Variants in CEP85L observed in about 807,000 individuals in gnomAD.
CEP85L encodes the protein centrosomal protein of 85 kDa-like.
A neutral mutation model predicts 100.3 loss-of-function variants in CEP85L; 60 were observed. The observed-to-expected ratio is 0.60, with a 90% confidence interval of 0.49 to 0.74. The LOEUF is 0.74. CEP85L is among the 30% of genes least tolerant of loss of function. The pLI is 0.00. For missense variants in CEP85L, 973 were observed against 936.2 expected (o/e 1.04, Z -0.51); for synonymous variants, 319 against 322.7 (o/e 0.99, Z 0.12).
chr6:118,565,863 T>C lies in CEP85L; in HGVS notation c.686A>G (p.Lys229Arg). 6.2e-7 allele frequency: 1 copy of C among 1,614,112 alleles called. No individual in the cohort carries two copies. Residue 229 changes from lysine (K) to arginine (R), a missense_variant, in exon 3 of 13, where the codon AAG (lysine) becomes AGG (arginine). This residue lies in a region of CEP85L where 890 missense variants were observed against 844.5 expected (regional missense o/e 1.05). Transcript: ENST00000368491. Reference protein sequence around the residue: ...NKKRSSTLDCKYKFESCSKED... With the variant: ...NKKRSSTLDCRYKFESCSKED... ...CTTGCTACAGCTCTCAAATTTATAC[T>C]TGCAGTCCAGAGTTGATGACCGTTT...
rs775232643 is a variant in CEP85L at position 118,491,671 on chromosome 6, A to G, written c.1437+15T>C. 28 of 1,605,352 alleles carry G rather than the reference A, an allele frequency of 1.7e-5. No individual in the cohort carries two copies. Among genetic ancestry groups the G allele is most frequent in the East Asian group, 2.2e-5 (1 of 44,782 alleles). On this transcript the variant is annotated intron_variant, in intron 6 of 12. Coordinates refer to ENST00000368491, the MANE Select transcript of CEP85L (RefSeq NM_001042475.3). The stretch of plus-strand genomic sequence containing the variant: ...AATGTTGTTGACCTAATTCAACTTT[A>G]TTAGAAAAACCTACTTTTTCCTCTA...
rs925889124 is a variant in CEP85L, at chr6:118,632,968, T to G, written c.74-357A>C. On this transcript the variant is annotated intron_variant, in intron 1 of 12. Transcript: ENST00000368491. ...GGTGGCATCTGTGATTATACATACA[T>G]GCGTTAGCTGAAAATCAGGGCTCAG... 2.0e-5 allele frequency among the ~76,000 whole-genome samples: 3 copies of G among 152,156 alleles called. No individual in the cohort carries two copies. In the East Asian group the frequency reaches 5.8e-4, roughly 29 times the overall value.
chr6:118,697,452 A>G (rs532022613), intron 1 of CEP85L, among the ~76,000 whole-genome samples: 44 of 152,276 alleles, frequency 2.9e-4, no homozygotes, highest in Admixed American at 2.5e-3. Flanking sequence ...AGGACGATAT[A>G]CCACTCAAGC....
chr6:118,600,622 C>T (rs847670), intron 2 of CEP85L, among the ~76,000 whole-genome samples: 149,998 of 151,374 alleles, frequency 0.99, 74,335 homozygotes, highest in East Asian at 1. Flanking sequence ...ACACCCAGCC[C>T]TGGGGTTTTT....
At chr6:118,518,986 T>C (rs532913831) in intron 4 of CEP85L, among the ~76,000 whole-genome samples, 4 of 152,330 alleles carry the variant, frequency 2.6e-5, no homozygotes, top group African/African-American at 9.6e-5. Flanking sequence ...ATTTCATTAT[T>C]TACCCAGTAG....
intron 2 of CEP85L, among the ~76,000 whole-genome samples, chr6:118,605,111 C>T (rs1297997640): frequency 1.3e-5 from 2 of 152,080 alleles, no homozygotes; most frequent in African/African-American, 4.8e-5. Context: ...GGAGGAAAAG[C>T]GCCAGGAAAG....
intron 1 of CEP85L, among the ~76,000 whole-genome samples, chr6:118,702,619 C>A (rs1777451001): frequency 6.6e-6 from 1 of 152,194 alleles, no homozygotes; most frequent in Non-Finnish European, 1.5e-5. Flanking sequence ...TTTGATAAAA[C>A]CTACACTTTC....
chr6:118,465,585 TAGAG>T lies in CEP85L; in HGVS notation c.2255-21_2255-18del, dbSNP rs762087155. The T allele has an allele frequency of 3.7e-5, 59 of 1,599,614 alleles. No homozygotes were observed. Among genetic ancestry groups the T allele is most frequent in the African/African-American group, 1.5e-4 (11 of 74,374 alleles). On this transcript the variant is annotated intron_variant, in intron 12 of 12. Coordinates refer to ENST00000368491, the MANE Select transcript of CEP85L (RefSeq NM_001042475.3). ...AGTTCATTGCTGTGTAAATAAAACA[TAGAG>T]AGAATATCTCACATTTTTTTGAACA...
At chr6:118,605,785 G>A (rs1772157523) in intron 2 of CEP85L, among the ~76,000 whole-genome samples, 1 of 152,132 alleles carries the variant, frequency 6.6e-6, no homozygotes, top group African/African-American at 2.4e-5. Context: ...GGCCGAGGCG[G>A]GCAGATCACG....
intron 5 of CEP85L, among the ~76,000 whole-genome samples, chr6:118,506,709 T>G (rs1447339555): frequency 6.6e-6 from 1 of 152,204 alleles, no homozygotes; most frequent in Non-Finnish European, 1.5e-5. Flanking sequence ...GAAATGTGTT[T>G]TGTAGCAAGA....
intron 5 of CEP85L, among the ~76,000 whole-genome samples, chr6:118,505,956 G>A (rs564546923): frequency 6.6e-6 from 1 of 152,302 alleles, no homozygotes; most frequent in South Asian, 2.1e-4. Flanking sequence ...ACAAAACATT[G>A]ATAGTGGGGG....
intron 1 of CEP85L, among the ~76,000 whole-genome samples, chr6:118,683,592 A>C (rs540149632): frequency 1.3e-5 from 2 of 152,336 alleles, no homozygotes; most frequent in Non-Finnish European, 2.9e-5. Context: ...CAAAGACCAT[A>C]ATGTTCTTGT....
intron 5 of CEP85L, chr6:118,501,966 G>T: frequency 1.2e-6 from 1 of 859,620 alleles, no homozygotes; most frequent in Non-Finnish European, 1.9e-6. Context: ...GCATCATGAA[G>T]GAATCTGGAG....
At chr6:118,544,303 T>C (rs1307646176) in intron 3 of CEP85L, among the ~76,000 whole-genome samples, 2 of 151,084 alleles carry the variant, frequency 1.3e-5, no homozygotes, top group Admixed American at 1.3e-4. Context: ...TTTCCCTTTG[T>C]TATTTTTGGC....
At chr6:118,502,664 A>T in intron 5 of CEP85L, 1 of 466,150 alleles carries the variant, frequency 2.1e-6, no homozygotes, top group Admixed American at 3.2e-5. Context: ...AGGGAGCTCC[A>T]GCTCAATGAG....
intron 2 of CEP85L, among the ~76,000 whole-genome samples, chr6:118,594,563 C>T (rs1406119551): frequency 2.6e-5 from 4 of 152,120 alleles, no homozygotes; most frequent in East Asian, 3.9e-4. Flanking sequence ...CCAAAACAGA[C>T]ATTAAAAACT....
Position 118,597,101 on chromosome 6 carries a change from G to C in CEP85L, c.233-30785C>G, listed in dbSNP as rs538619859. On this transcript the variant is annotated intron_variant, in intron 2 of 12. Transcript: ENST00000368491. ...CTTCTCTCTCCTGACACCCTGTTAA[G>C]AGGTGCTTTCCCCCATGATTCTAAG... 4.6e-5 allele frequency among the ~76,000 whole-genome samples: 7 copies of C among 152,218 alleles called. No homozygotes were observed. In the South Asian group the frequency reaches 1.5e-3, roughly 32 times the overall value.
chr6:118,672,438 A>G (rs1307973037), intron 1 of CEP85L, among the ~76,000 whole-genome samples: 1 of 152,178 alleles, frequency 6.6e-6, no homozygotes, highest in African/African-American at 2.4e-5. Context: ...TATGGACGAT[A>G]TAAAGATATT....
intron 3 of CEP85L, among the ~76,000 whole-genome samples, chr6:118,555,551 G>A (rs1778810981): frequency 6.6e-6 from 1 of 151,794 alleles, no homozygotes; most frequent in African/African-American, 2.4e-5. Context: ...CTTAAAGGAT[G>A]AATCTCAATA....
Sources: gnomAD v4.1 joint callset for allele counts (sites outside exome capture counted in the v4.1 genomes callset) on GRCh38, gnomAD v4.1.1 for gene constraint, gnomAD v4.1.1 regional missense constraint, MANE v1.5 for transcripts, NCBI Gene and HGNC (gene_info 2026-07-23, HGNC 2026-07-21) for gene names.